The following LARGE1 variants were observed in gnomAD, a reference collection of about 807,000 sequenced individuals.
LARGE1 encodes xylosyl- and glucuronyltransferase LARGE1.
A neutral mutation model predicts 87.6 loss-of-function variants in LARGE1; 43 were observed. The ratio of observed to expected loss-of-function variants is 0.49; its 90% CI spans 0.38 to 0.63. The LOEUF (loss-of-function observed/expected upper bound fraction) is 0.63, where lower values mean the gene tolerates loss of function less well. Among genes scored for constraint, LARGE1 ranks in the 30% least tolerant of loss-of-function variants. LARGE1 has a pLI of 0.00. For synonymous variants in LARGE1, 434 were observed against 394.6 expected, an observed-to-expected ratio of 1.10 and a Z score of -1.18; for missense variants, 802 against 1,000.2, an observed-to-expected ratio of 0.80 and a Z score of 2.67.
chr22:33,344,719 C>T (rs113105293), intron 9 of LARGE1, among the ~76,000 whole-genome samples: 10 of 150,944 alleles, frequency 6.6e-5, no homozygotes, highest in Non-Finnish European at 1.5e-4. Flanking sequence ...GAAAGAATCA[C>T]CCATCATTGT....
intron 5 of LARGE1, among the ~76,000 whole-genome samples, chr22:33,583,056 C>T (rs1430730221): frequency 6.6e-6 from 1 of 152,214 alleles, no homozygotes; most frequent in East Asian, 1.9e-4. Context: ...ATATTATACC[C>T]TGTCTAGATG....
At chr22:33,363,630 T>C (rs1341197831) in intron 9 of LARGE1, among the ~76,000 whole-genome samples, 2 of 149,804 alleles carry the variant, frequency 1.3e-5, no homozygotes, top group African/African-American at 4.9e-5. Flanking sequence ...CCATACCATG[T>C]TTTTTCCTAT....
chr22:33,204,750 A>G (rs1360340709), intron 11 of LARGE1, among the ~76,000 whole-genome samples: 1 of 152,038 alleles, frequency 6.6e-6, no homozygotes, highest in African/African-American at 2.4e-5. Context: ...AAAGGTGGCC[A>G]TTCCTCAACT....
chr22:33,800,341 A>G (rs954630176), intron 1 of LARGE1, among the ~76,000 whole-genome samples: 43 of 152,226 alleles, frequency 2.8e-4, no homozygotes, highest in Admixed American at 2.8e-3. Context: ...AATTATCAAA[A>G]TCATGAAAGT....
chr22:33,427,072 T>TA (rs1467474745), intron 7 of LARGE1, among the ~76,000 whole-genome samples: 3 of 152,206 alleles, frequency 2.0e-5, no homozygotes. Context: ...TCCGTCAGCT[T>TA]AGGAACTGAA....
At chr22:33,826,043 A>G (rs1403286902) in intron 1 of LARGE1, among the ~76,000 whole-genome samples, 1 of 152,178 alleles carries the variant, frequency 6.6e-6, no homozygotes, top group Non-Finnish European at 1.5e-5. Flanking sequence ...ATTTCAACAC[A>G]GGAGTGTTCA....
At chr22:33,831,697 A>T (rs1477414590) in intron 1 of LARGE1, among the ~76,000 whole-genome samples, 1 of 152,092 alleles carries the variant, frequency 6.6e-6, no homozygotes, top group Non-Finnish European at 1.5e-5. Context: ...TACCACTAGC[A>T]AACAGTGGAA....
intron 6 of LARGE1, among the ~76,000 whole-genome samples, chr22:33,552,078 G>C (rs533496234): frequency 6.7e-6 from 1 of 149,982 alleles, no homozygotes; most frequent in East Asian, 2.0e-4. Flanking sequence ...AGAAATATCA[G>C]ATCTTTTCAA....
intron 1 of LARGE1, among the ~76,000 whole-genome samples, chr22:33,802,276 A>G (rs932315315): frequency 2.0e-5 from 3 of 152,222 alleles, no homozygotes; most frequent in Non-Finnish European, 4.4e-5. Flanking sequence ...GGCTCAGAAC[A>G]GCAAGGGAAG....
chr22:33,127,448 ACCAT>A, the LARGE1 span, among the ~76,000 whole-genome samples: 32 of 152,284 alleles, frequency 2.1e-4, no homozygotes, highest in South Asian at 6.2e-4. Flanking sequence ...ACCTCTTCTG[ACCAT>A]CCAGGCGGCA....
chr22:33,774,799 A>G (rs2085183126), intron 1 of LARGE1, among the ~76,000 whole-genome samples: 1 of 152,194 alleles, frequency 6.6e-6, no homozygotes, highest in African/African-American at 2.4e-5. Context: ...GCATCTTATC[A>G]TTGACAGCAC....
intron 7 of LARGE1, among the ~76,000 whole-genome samples, chr22:33,396,352 C>T (rs978767323): frequency 2.7e-5 from 4 of 149,504 alleles, no homozygotes; most frequent in Non-Finnish European, 5.9e-5. Flanking sequence ...CTGGGACTCA[C>T]TTTTGATCAT....
chr22:33,414,901 A>G (rs62225288), intron 7 of LARGE1, among the ~76,000 whole-genome samples: 8,313 of 152,302 alleles, frequency 0.055, 278 homozygotes, highest in African/African-American at 0.099. Context: ...TCCTCAGCAG[A>G]CACCAAATCT....
chr22:33,643,380 G>A (rs1057282476), intron 3 of LARGE1, among the ~76,000 whole-genome samples: 2 of 152,144 alleles, frequency 1.3e-5, no homozygotes, highest in African/African-American at 4.8e-5. Context: ...CAGAATCTCT[G>A]GAAGACAGCT....
intron 10 of LARGE1, among the ~76,000 whole-genome samples, chr22:33,317,370 C>G (rs1031484523): frequency 1.3e-5 from 2 of 152,162 alleles, no homozygotes; most frequent in Non-Finnish European, 2.9e-5. Context: ...AATTTTTGTA[C>G]TAGGTCTCGG....
chr22:33,536,256 A>C lies in LARGE1; in HGVS notation c.787+28592T>G, dbSNP rs528463180. Among the ~76,000 whole-genome samples, 6 of 152,338 alleles carry C rather than the reference A, an allele frequency of 3.9e-5. No individual in the cohort carries two copies. The East Asian group carries it at 1.2e-3, about 29-fold the overall frequency. Reference sequence around the variant, plus strand: ...CAGAACGAAAGGGCATGAGCAGAAAAGTGCAACATGAAGGATTTTAAGTAG... The same window carrying C: ...CAGAACGAAAGGGCATGAGCAGAAACGTGCAACATGAAGGATTTTAAGTAG... On this transcript the variant is annotated intron_variant, in intron 6 of 14. Transcript: ENST00000397394.
intron 9 of LARGE1, among the ~76,000 whole-genome samples, chr22:33,339,265 C>G (rs1938871481): frequency 6.7e-6 from 1 of 148,690 alleles, no homozygotes; most frequent in South Asian, 2.1e-4. Flanking sequence ...GGGCCTGGGA[C>G]AGAGGGAAGA....
intron 2 of LARGE1, among the ~76,000 whole-genome samples, chr22:33,681,782 T>C (rs933323283): frequency 2.0e-5 from 3 of 152,244 alleles, no homozygotes; most frequent in Non-Finnish European, 4.4e-5. Flanking sequence ...AATTCTTACT[T>C]TGATAATTAT....
chr22:33,369,466 T>C lies in LARGE1; in HGVS notation c.1131+12453A>G, dbSNP rs574548220. On this transcript the variant is annotated intron_variant, in intron 9 of 14. Transcript: ENST00000397394. ...TTTTTTCTATTTTCTTGGTTTTTTTTTCCCCAAATTAAGAGTTTGTGATTA... is the reference window on the plus strand; with the variant it reads ...TTTTTTCTATTTTCTTGGTTTTTTTCTCCCCAAATTAAGAGTTTGTGATTA... 2.6e-5 allele frequency among the ~76,000 whole-genome samples: 4 copies of C among 152,188 alleles called. No homozygotes were observed. In the East Asian group the frequency reaches 7.7e-4, roughly 29 times the overall value.
Sources: allele counts gnomAD v4.1 joint callset (sites outside exome capture counted in the v4.1 genomes callset), GRCh38; gene constraint gnomAD v4.1.1; transcripts MANE v1.5; gene names NCBI Gene and HGNC (gene_info 2026-07-23, HGNC 2026-07-21).